Variants in KASH5 observed in about 807,000 individuals in gnomAD.
The protein encoded by KASH5 is protein KASH5.
In KASH5, 72 loss-of-function variants were observed where a neutral mutation model predicts 84.2. The observed-to-expected ratio is 0.85, with a 90% CI of 0.71 to 1.04. The LOEUF (loss-of-function observed/expected upper bound fraction) is 1.04, where lower values mean the gene tolerates loss of function less well. Ranked by LOEUF, KASH5 falls within the 50% of genes least tolerant of loss-of-function variation. The pLI is 0.00. For missense variants in KASH5, 650 were observed against 701.0 expected (o/e 0.93, Z 0.82); for synonymous variants, 260 against 279.1 (o/e 0.93, Z 0.68).
At chr19:49,401,094 C>T (rs974394493) in intron 9 of KASH5, among the ~76,000 whole-genome samples, 3 of 152,140 alleles carry the variant, frequency 2.0e-5, no homozygotes, top group Non-Finnish European at 2.9e-5. Flanking sequence ...CTGTGAGGCC[C>T]GCATTGCCTT....
At chr19:49,390,299 C>G (rs1973960415) in intron 1 of KASH5, 1 of 153,038 alleles carries the variant, frequency 6.5e-6, no homozygotes, top group Non-Finnish European at 1.5e-5. Flanking sequence ...GTCCGCAGCT[C>G]AGAGTGGCTG....
At position 49,395,568 on chromosome 19, in the gene KASH5, C is replaced by A. The variant is rs1974147884; in HGVS notation, c.336-201C>A. On this transcript the variant is annotated intron_variant, in intron 4 of 19. Coordinates refer to ENST00000447857, the MANE Select transcript of KASH5 (RefSeq NM_144688.5). This position sits in a 1 kb window ranked among gnomAD's most constrained non-coding sequence, Gnocchi z 4.4. ...GGGCTGACAGAGGTCCCTCCCCAACCCTTCACCAAACCCACTCCTTGCCCC... is the reference window on the plus strand; with the variant it reads ...GGGCTGACAGAGGTCCCTCCCCAACACTTCACCAAACCCACTCCTTGCCCC... 5 of 635,494 alleles carry A rather than the reference C, an allele frequency of 7.9e-6. No individual in the cohort carries two copies. The highest frequency in any genetic ancestry group is 7.6e-5 in the South Asian group (4 of 52,342). The allele number at this position is 635,494 out of a possible 1,614,324, so 39.4% of individuals were successfully genotyped here.
In KASH5 at chr19:49,417,701, A is replaced by C; in HGVS notation, c.*191A>C. ...GCTGACATTTCTTAACAATAGCAAA[A>C]CTCCCCCAGTAATGGATTAAGCACT... is the stretch of plus-strand genomic sequence containing the variant. On this transcript the variant is annotated 3_prime_UTR_variant, in exon 20 of 20. Coordinates refer to ENST00000447857, the MANE Select transcript of KASH5 (RefSeq NM_144688.5). This position sits in a 1 kb window ranked among gnomAD's most constrained non-coding sequence, Gnocchi z 5.2. 3 of 673,238 alleles carry C rather than the reference A, an allele frequency of 4.5e-6. No homozygotes were observed. The highest frequency in any genetic ancestry group is 4.2e-5 in the South Asian group (1 of 23,860). 41.7% of individuals were successfully genotyped at this position (673,238 alleles called of 1,614,324 possible).
chr19:49,416,976 G>A lies in KASH5; in HGVS notation c.1375-39G>A. 1 of 1,555,980 alleles carries A rather than the reference G, an allele frequency of 6.4e-7. No individual in the cohort carries two copies. Among genetic ancestry groups the A allele is most frequent in the African/African-American group, 1.4e-5 (1 of 73,458 alleles). Reference sequence around the variant, plus strand: ...GCTGACCTGAGCACCTCTCAGTCCAGAACCCGGTGCCTCCAACGCATCTCT... The same window carrying A: ...GCTGACCTGAGCACCTCTCAGTCCAAAACCCGGTGCCTCCAACGCATCTCT... On this transcript the variant is annotated intron_variant, in intron 17 of 19. Transcript: ENST00000447857. This position sits in a 1 kb window ranked among gnomAD's most constrained non-coding sequence, Gnocchi z 5.4.
Position 49,417,429 on chromosome 19 carries a change from CTCTGTCCTGCTGCTT to C in KASH5, c.1609_1623del (p.Ser537_Leu541del). 6.4e-7 allele frequency: 1 copy of C among 1,555,862 alleles called. No homozygotes were observed. On this transcript the variant is annotated inframe_deletion, in exon 20 of 20. Transcript: ENST00000447857. The surrounding 1 kb of genome is among the most constrained non-coding windows in gnomAD (Gnocchi z 5.2). ...TGGGCCTGCTGCTGCTGCTGCTGCTCTCTGTCCTGCTGCTTGGCCCGTCCCCACCTCCCACCTGGC... is the reference window on the plus strand; with the variant it reads ...TGGGCCTGCTGCTGCTGCTGCTGCTCGGCCCGTCCCCACCTCCCACCTGGC...
chr19:49,389,026 CAAG>C (rs1323924368), intron 1 of KASH5, among the ~76,000 whole-genome samples: 1 of 151,652 alleles, frequency 6.6e-6, no homozygotes, highest in Non-Finnish European at 1.5e-5. Context: ...CCGCAGAAAT[CAAG>C]ACCCTCCAAA....
rs1974127764 is a variant in KASH5 at position 49,395,050 on chromosome 19, C to G, written c.149-56C>G. On this transcript the variant is annotated intron_variant, in intron 3 of 19. Transcript: ENST00000447857. The surrounding 1 kb of genome is among the most constrained non-coding windows in gnomAD (Gnocchi z 4.4). ...ATCCTGGTCCCAAGCTGCTGCCAGT[C>G]CATACCCATCACTCCCCACCTGCCC... 4 of 1,405,970 alleles carry G rather than the reference C, an allele frequency of 2.8e-6. No individual in the cohort carries two copies. The Admixed American group carries it at 6.8e-5, about 24-fold the overall frequency. 87.1% of individuals were successfully genotyped at this position (1,405,970 alleles called of 1,614,324 possible).
Position 49,417,601 on chromosome 19 carries a change from C to A in KASH5, c.*91C>A. ...GATCCCCATTGTTAGTCCACTGTTG[C>A]GCAGGCTTACCCTAGATAGAGTACA... On this transcript the variant is annotated 3_prime_UTR_variant, in exon 20 of 20. Transcript: ENST00000447857. This position sits in a 1 kb window ranked among gnomAD's most constrained non-coding sequence, Gnocchi z 5.2. 7.1e-7 allele frequency: 1 copy of A among 1,417,446 alleles called. No homozygotes were observed. The highest frequency in any genetic ancestry group is 9.3e-7 in the Non-Finnish European group (1 of 1,077,090). The allele number at this position is 1,417,446 out of a possible 1,614,324, so 87.8% of individuals were successfully genotyped here.
rs1359622403 is a variant in KASH5, at chr19:49,417,638, TC to T, written c.*131del. The T allele has an allele frequency of 8.6e-6, 10 of 1,161,096 alleles. No individual in the cohort carries two copies. The African/African-American group carries it at 1.6e-4, about 18-fold the overall frequency. 71.9% of individuals were successfully genotyped at this position (1,161,096 alleles called of 1,614,324 possible). On this transcript the variant is annotated 3_prime_UTR_variant, in exon 20 of 20. Transcript: ENST00000447857. This position sits in a 1 kb window ranked among gnomAD's most constrained non-coding sequence, Gnocchi z 5.2. ...CTAGATAGAGTACAGGGGATCCACA[TC>T]CCTGTATTTTTATGTGAAGTCTCCT...
chr19:49,417,534 C>CA lies in KASH5; in HGVS notation c.*25dup. On this transcript the variant is annotated 3_prime_UTR_variant, in exon 20 of 20. Coordinates refer to ENST00000447857, the MANE Select transcript of KASH5 (RefSeq NM_144688.5). The surrounding 1 kb of genome is among the most constrained non-coding windows in gnomAD (Gnocchi z 5.2). ...GAGAGGCTCTACTTGCCCCTCAGAG[C>CA]AGTGTCTAGCTCAATAAATCCCCTG... is the stretch of plus-strand genomic sequence containing the variant. The CA allele has an allele frequency of 6.6e-7, 1 of 1,507,562 alleles. No homozygotes were observed. Among genetic ancestry groups the CA allele is most frequent in the Non-Finnish European group, 8.9e-7 (1 of 1,123,186 alleles). 93.4% of individuals were successfully genotyped at this position (1,507,562 alleles called of 1,614,324 possible).
chr19:49,403,122 C>T (rs1974414167), intron 9 of KASH5, among the ~76,000 whole-genome samples: 1 of 152,158 alleles, frequency 6.6e-6, no homozygotes, highest in Non-Finnish European at 1.5e-5. Flanking sequence ...CTGTGGGAGG[C>T]CGAGGCGGGC....
chr19:49,393,738 A>G (rs1974082030), intron 2 of KASH5: 2 of 134,934 alleles, frequency 1.5e-5, no homozygotes, highest in East Asian at 2.1e-4. Context: ...TGTGCTTCAC[A>G]TACACAGAGC....
chr19:49,392,773 C>T (rs1432095937), intron 2 of KASH5, among the ~76,000 whole-genome samples: 6 of 151,988 alleles, frequency 3.9e-5, no homozygotes, highest in African/African-American at 1.5e-4. Flanking sequence ...TTAGCTGGGC[C>T]TGGTAGCAGG....
At chr19:49,401,793 T>C (rs1375675741) in intron 9 of KASH5, among the ~76,000 whole-genome samples, 1 of 152,242 alleles carries the variant, frequency 6.6e-6, no homozygotes, top group Non-Finnish European at 1.5e-5. Flanking sequence ...CAGTGTTTTT[T>C]ACACTGAAAT....
At position 49,412,894 on chromosome 19, in the gene KASH5, G is replaced by A; in HGVS notation, c.1270-74G>A. The stretch of plus-strand genomic sequence containing the variant: ...TATGGGGTCTGGGACCGGCGGGGGA[G>A]ACAGTGGGCACTGTTAGGGTTGGAG... On this transcript the variant is annotated intron_variant, in intron 15 of 19. Transcript: ENST00000447857. This position sits in a 1 kb window ranked among gnomAD's most constrained non-coding sequence, Gnocchi z 4.6. 1 of 1,448,014 alleles carries A rather than the reference G, an allele frequency of 6.9e-7. No homozygotes were observed. Among genetic ancestry groups the A allele is most frequent in the Non-Finnish European group, 9.6e-7 (1 of 1,045,756 alleles). 89.7% of individuals were successfully genotyped at this position (1,448,014 alleles called of 1,614,324 possible).
Position 49,407,680 on chromosome 19 carries a change from G to A in KASH5, c.993+9G>A, listed in dbSNP as rs372248143. 6.3e-7 allele frequency: 1 copy of A among 1,597,912 alleles called. No individual in the cohort carries two copies. Among genetic ancestry groups the A allele is most frequent in the Admixed American group, 1.7e-5 (1 of 58,136 alleles). ...ACAGAGTGACGACGCAGGTAACTCA[G>A]CGGCCCTCGCCACCCACCGCGGCCC... On this transcript the variant is annotated intron_variant, in intron 12 of 19. Transcript: ENST00000447857.
chr19:49,396,318 A>G lies in KASH5; in HGVS notation c.400+485A>G, dbSNP rs181040148. On this transcript the variant is annotated intron_variant, in intron 5 of 19. Transcript: ENST00000447857. ...TGCCCAGGCTGTTGTGCAATGGCGC[A>G]ATCTCAGCTCACCGCCACCCCCGCC... 1.9e-3 allele frequency among the ~76,000 whole-genome samples: 272 copies of G among 144,680 alleles called. 1 individual carries two copies. Among genetic ancestry groups the G allele is most frequent in the African/African-American group, 6.7e-3 (257 of 38,514 alleles). 94.9% of individuals were successfully genotyped at this position (144,680 alleles called of 152,430 possible).
At position 49,409,211 on chromosome 19, in the gene KASH5, C is replaced by T. The variant is rs911950627; in HGVS notation, c.1074C>T (p.Ala358=). 44 of 1,613,660 alleles carry T rather than the reference C, an allele frequency of 2.7e-5. 2 individuals are homozygous for T. The Middle Eastern group carries it at 1.3e-3, about 48-fold the overall frequency. ...GTGTGGCCAGGCTACCTGAAGGGGC[C>T]CAGCTGAGAAGAGTGGGCTGGACCG... is the stretch of plus-strand genomic sequence containing the variant. ...YEGPDELPEG[A]QLRRVGWTEL... is the part of the protein sequence containing the mutation. The change falls in exon 14 of 20, where the codon GCC becomes GCT. Residue 358 remains alanine (A), a synonymous_variant. Coordinates refer to ENST00000447857, the MANE Select transcript of KASH5 (RefSeq NM_144688.5).
Position 49,399,735 on chromosome 19 carries a change from A to AT in KASH5, c.798+229dup. On this transcript the variant is annotated intron_variant, in intron 9 of 19. Transcript: ENST00000447857. The surrounding 1 kb of genome is among the most constrained non-coding windows in gnomAD (Gnocchi z 4.4). The stretch of plus-strand genomic sequence containing the variant: ...ATGGCTTCAGGCTGAGGCCACCTAC[A>AT]TAAGAGTGGACCAGTGCCTCCCTTC... 1 of 1,280,866 alleles carries AT rather than the reference A, an allele frequency of 7.8e-7. No individual in the cohort carries two copies. Among genetic ancestry groups the AT allele is most frequent in the Non-Finnish European group, 1.0e-6 (1 of 963,688 alleles). The allele number at this position is 1,280,866 out of a possible 1,614,324, so 79.3% of individuals were successfully genotyped here. A position where few individuals can be genotyped will look rare whatever the true frequency, so the allele number is the denominator to read the frequency against.
Sources: allele counts gnomAD v4.1 joint callset (sites outside exome capture counted in the v4.1 genomes callset), GRCh38; gene constraint gnomAD v4.1.1; non-coding constraint Gnocchi (gnomAD v3.1); transcripts MANE v1.5; gene names NCBI Gene and HGNC (gene_info 2026-07-23, HGNC 2026-07-21).